The following ASTN2 variants were observed in gnomAD, a reference collection of about 807,000 sequenced individuals.
The protein encoded by ASTN2 is astrotactin 2.
A neutral mutation model predicts 139.8 loss-of-function variants in ASTN2; 54 were observed. That is an observed-to-expected ratio of 0.39 (90% CI 0.31 to 0.48). The LOEUF (loss-of-function observed/expected upper bound fraction) is 0.48. Among genes scored for constraint, ASTN2 ranks in the 20% least tolerant of loss-of-function variants. The pLI, the probability that ASTN2 is intolerant of heterozygous loss-of-function variation, is 0.95. For missense variants in ASTN2, 1,565 were observed against 1,725.1 expected (o/e 0.91, Z 1.64); for synonymous variants, 756 against 719.5 (o/e 1.05, Z -0.81).
intron 20 of ASTN2, among the ~76,000 whole-genome samples, chr9:116,461,438 ATATATAGG>A (rs1554766809): frequency 6.6e-6 from 1 of 152,110 alleles, no homozygotes; most frequent in Non-Finnish European, 1.5e-5. Flanking sequence ...ATATGTACAC[ATATATAGG>A]TGTATACTTG....
chr9:116,426,142 A>T lies in ASTN2; in HGVS notation c.3783-54T>A, dbSNP rs1312563824. On this transcript the variant is annotated intron_variant, in intron 22 of 22. Coordinates refer to ENST00000313400, the MANE Select transcript of ASTN2 (RefSeq NM_001365068.1). Reference sequence around the variant, plus strand: ...TAAAGAAGTCCAGATCAAGAGTTAGACCTTTGAGGTAGTAAATGTCAACAA... The same window carrying T: ...TAAAGAAGTCCAGATCAAGAGTTAGTCCTTTGAGGTAGTAAATGTCAACAA... 3 of 1,590,822 alleles carry T rather than the reference A, an allele frequency of 1.9e-6. No homozygotes were observed. The African/African-American group carries it at 4.0e-5, about 21-fold the overall frequency.
intron 11 of ASTN2, among the ~76,000 whole-genome samples, chr9:116,839,640 C>T (rs1486336945): frequency 2.0e-5 from 3 of 151,770 alleles, no homozygotes; most frequent in Admixed American, 1.3e-4. Context: ...AATTACAGCC[C>T]CGTGTGTGCC....
intron 12 of ASTN2, among the ~76,000 whole-genome samples, chr9:116,816,934 T>C (rs903187552): frequency 8.6e-5 from 6 of 70,108 alleles, no homozygotes; most frequent in Non-Finnish European, 2.1e-4. Flanking sequence ...CGAGGGAAAA[T>C]GTCATTTCTA....
chr9:117,059,530 T>A (rs980953128), intron 5 of ASTN2, among the ~76,000 whole-genome samples: 1 of 152,078 alleles, frequency 6.6e-6, no homozygotes, highest in Non-Finnish European at 1.5e-5. Context: ...GGATAATTGC[T>A]TGAACCTGGG....
At chr9:116,827,081 G>A (rs1321192191) in intron 11 of ASTN2, among the ~76,000 whole-genome samples, 1 of 151,972 alleles carries the variant, frequency 6.6e-6, no homozygotes, top group African/African-American at 2.4e-5. Context: ...AGGCTGAGGT[G>A]GGCGGATCAC....
At chr9:117,039,423 CT>C (rs1838487516) in intron 6 of ASTN2, among the ~76,000 whole-genome samples, 1 of 151,568 alleles carries the variant, frequency 6.6e-6, no homozygotes, top group Middle Eastern at 3.2e-3. Flanking sequence ...ACATTGGGGC[CT>C]GTTGGGGGTT....
At chr9:116,518,517 C>T (rs1016325202) in intron 19 of ASTN2, among the ~76,000 whole-genome samples, 12 of 152,016 alleles carry the variant, frequency 7.9e-5, no homozygotes, top group African/African-American at 2.9e-4. Context: ...AGCTCTAAAC[C>T]TTGAAACAAA....
chr9:116,980,337 A>G (rs1836476678), intron 7 of ASTN2, among the ~76,000 whole-genome samples: 1 of 152,152 alleles, frequency 6.6e-6, no homozygotes, highest in African/African-American at 2.4e-5. Flanking sequence ...TGGGTGCAAT[A>G]TATCCATGTA....
At chr9:117,282,203 A>C (rs1834341991) in intron 2 of ASTN2, among the ~76,000 whole-genome samples, 1 of 152,112 alleles carries the variant, frequency 6.6e-6, no homozygotes. Context: ...CGTCTCTAGT[A>C]ATTTCAACGT....
chr9:117,201,180 C>T (rs916589195), intron 3 of ASTN2, among the ~76,000 whole-genome samples: 1 of 151,966 alleles, frequency 6.6e-6, no homozygotes, highest in Non-Finnish European at 1.5e-5. Flanking sequence ...TTATGGTATT[C>T]TCTGACAGTA....
intron 19 of ASTN2, among the ~76,000 whole-genome samples, chr9:116,501,428 G>A (rs113454930): frequency 0.012 from 1,850 of 152,104 alleles, 34 homozygotes; most frequent in African/African-American, 0.043. Context: ...ATAAACATAC[G>A]TGTGCATGTG....
chr9:116,872,436 G>C (rs1833190727), intron 10 of ASTN2, among the ~76,000 whole-genome samples: 1 of 152,194 alleles, frequency 6.6e-6, no homozygotes, highest in Non-Finnish European at 1.5e-5. Flanking sequence ...CTCAATGTAG[G>C]AGAAGGGATG....
intron 13 of ASTN2, among the ~76,000 whole-genome samples, chr9:116,777,453 T>C (rs1272037120): frequency 6.6e-6 from 1 of 152,054 alleles, no homozygotes. Context: ...GGCACCTAGG[T>C]TGTAACCCAG....
chr9:116,510,074 C>T (rs933443999), intron 19 of ASTN2, among the ~76,000 whole-genome samples: 2 of 152,180 alleles, frequency 1.3e-5, no homozygotes, highest in South Asian at 4.1e-4. Context: ...GACACGAAGT[C>T]CTTGCCCATG....
chr9:116,825,371 T>C (rs1831598031), intron 11 of ASTN2, among the ~76,000 whole-genome samples: 1 of 152,090 alleles, frequency 6.6e-6, no homozygotes, highest in Non-Finnish European at 1.5e-5. Flanking sequence ...AGACACCTAA[T>C]AAATGAAGAA....
At chr9:116,484,140 G>A (rs1372691252) in intron 20 of ASTN2, among the ~76,000 whole-genome samples, 4 of 152,220 alleles carry the variant, frequency 2.6e-5, no homozygotes, top group African/African-American at 9.6e-5. Flanking sequence ...CTCCAGAGCT[G>A]TGCTTAGAAA....
rs910678660 is a variant in ASTN2, at chr9:117,375,969, C to T, written c.442+38528G>A. On this transcript the variant is annotated intron_variant, in intron 1 of 22. Transcript: ENST00000313400. ...TGTATGTCTATCTTCACATCCCCCT[C>T]GATGAGTCTAATGCCACTGCCTGAT... 8.5e-5 allele frequency among the ~76,000 whole-genome samples: 13 copies of T among 152,234 alleles called. No individual in the cohort carries two copies. In the East Asian group the frequency reaches 1.9e-3, roughly 23 times the overall value.
intron 16 of ASTN2, among the ~76,000 whole-genome samples, chr9:116,654,376 C>T (rs1384129205): frequency 6.6e-6 from 1 of 152,130 alleles, no homozygotes; most frequent in Non-Finnish European, 1.5e-5. Context: ...TGCTCTTGAC[C>T]TAGTTTACAG....
intron 3 of ASTN2, among the ~76,000 whole-genome samples, chr9:117,203,439 A>AT (rs35980062): frequency 5.3e-5 from 8 of 151,662 alleles, no homozygotes; most frequent in Non-Finnish European, 1.2e-4. Flanking sequence ...GGTTTTTAGC[A>AT]TTTTTTCATT....
Sources: gnomAD v4.1 joint callset for allele counts (sites outside exome capture counted in the v4.1 genomes callset) on GRCh38, gnomAD v4.1.1 for gene constraint, MANE v1.5 for transcripts, NCBI Gene and HGNC (gene_info 2026-07-23, HGNC 2026-07-21) for gene names.